The following UPP2 variants were observed in gnomAD, a reference collection of about 807,000 sequenced individuals.
UPP2 encodes the protein uridine phosphorylase 2.
UPP2 carries 23 observed loss-of-function variants against 26.7 expected under a neutral mutation model. The ratio of observed to expected loss-of-function variants is 0.86; its 90% CI spans 0.62 to 1.22. The LOEUF is 1.22. UPP2 is among the 50% of genes most tolerant of loss of function. The pLI, the probability that UPP2 is intolerant of heterozygous loss-of-function variation, is 0.00. For synonymous variants in UPP2, 127 were observed against 141.3 expected, an observed-to-expected ratio of 0.90 and a Z score of 0.72; for missense variants, 387 against 396.7, an observed-to-expected ratio of 0.98 and a Z score of 0.21.
chr2:158,102,988 A>G (rs1179884713), intron 1 of UPP2, among the ~76,000 whole-genome samples: 1 of 152,256 alleles, frequency 6.6e-6, no homozygotes. Flanking sequence ...GTAATTTGTC[A>G]CGATTTACTA....
chr2:158,018,115 C>A (rs1398098826), intron 3 of UPP2, among the ~76,000 whole-genome samples: 1 of 152,194 alleles, frequency 6.6e-6, no homozygotes, highest in African/African-American at 2.4e-5. Flanking sequence ...TAGATGATAT[C>A]ATAACCAATG....
At chr2:158,051,887 G>C (rs1448116289) in intron 3 of UPP2, among the ~76,000 whole-genome samples, 1 of 152,156 alleles carries the variant, frequency 6.6e-6, no homozygotes, top group Non-Finnish European at 1.5e-5. Flanking sequence ...GAGAGTAGGG[G>C]CTCTCATTCC....
At chr2:158,105,835 A>T (rs79299127) in intron 1 of UPP2, among the ~76,000 whole-genome samples, 1 of 152,332 alleles carries the variant, frequency 6.6e-6, no homozygotes, top group Non-Finnish European at 1.5e-5. Flanking sequence ...TTGTAAACTA[A>T]ATTATTAATC....
At chr2:158,017,948 C>CAT (rs571241695) in intron 3 of UPP2, among the ~76,000 whole-genome samples, 79 of 152,186 alleles carry the variant, frequency 5.2e-4, no homozygotes, top group African/African-American at 1.8e-3. Context: ...AAATATATGT[C>CAT]ATATATATAT....
chr2:158,102,924 C>T (rs543071761), intron 1 of UPP2, among the ~76,000 whole-genome samples: 52 of 152,316 alleles, frequency 3.4e-4, no homozygotes, highest in South Asian at 6.2e-4. Flanking sequence ...GGAAAGACTT[C>T]TGCTCAGCCA....
intron 3 of UPP2, among the ~76,000 whole-genome samples, chr2:158,017,044 A>G (rs1390695006): frequency 1.7e-4 from 26 of 152,204 alleles, no homozygotes; most frequent in Non-Finnish European, 2.9e-4. Flanking sequence ...AGCATATTCT[A>G]TGGATATAAT....
intron 3 of UPP2, among the ~76,000 whole-genome samples, chr2:158,115,989 G>A (rs548291712): frequency 4.6e-5 from 7 of 152,322 alleles, no homozygotes; most frequent in African/African-American, 1.7e-4. Flanking sequence ...CCAGGGGACA[G>A]GGGAAGAGTC....
intron 2 of UPP2, among the ~76,000 whole-genome samples, chr2:158,110,024 C>T (rs1683279527): frequency 6.6e-6 from 1 of 152,108 alleles, no homozygotes; most frequent in African/African-American, 2.4e-5. Context: ...TTTTATTATA[C>T]TTTAAGTTCT....
intron 6 of UPP2, among the ~76,000 whole-genome samples, chr2:158,133,215 C>T (rs1489070028): frequency 6.6e-6 from 1 of 152,150 alleles, no homozygotes; most frequent in Non-Finnish European, 1.5e-5. Context: ...CTCTCATTTG[C>T]AACAACATGG....
chr2:158,123,956 C>T, intron 6 of UPP2, 61 bp downstream of exon 6: 1 of 1,558,042 alleles, frequency 6.4e-7, no homozygotes, highest in Non-Finnish European at 8.7e-7. Flanking sequence ...ACTTTTACAC[C>T]TTAGGAGAAG....
intron 3 of UPP2, among the ~76,000 whole-genome samples, chr2:158,055,130 G>T (rs115508682): frequency 0.013 from 1,976 of 152,328 alleles, 46 homozygotes; most frequent in African/African-American, 0.045. Flanking sequence ...AGGCCGGAAA[G>T]TCCAACATTG....
chr2:158,010,133 G>C (rs1326326581), intron 2 of UPP2, among the ~76,000 whole-genome samples: 2 of 152,124 alleles, frequency 1.3e-5, no homozygotes, highest in African/African-American at 4.8e-5. Context: ...ATGTATTTTG[G>C]TTTTATGTTA....
At chr2:158,068,561 A>G (rs1682474485) in intron 3 of UPP2, among the ~76,000 whole-genome samples, 1 of 151,652 alleles carries the variant, frequency 6.6e-6, no homozygotes, top group Non-Finnish European at 1.5e-5. Context: ...AGACGGGGGC[A>G]GGGGCAGAAG....
At chr2:158,007,196 C>A (rs1045998441) in intron 2 of UPP2, among the ~76,000 whole-genome samples, 9 of 152,184 alleles carry the variant, frequency 5.9e-5, no homozygotes, top group African/African-American at 2.2e-4. Context: ...CATCTTATAA[C>A]CCTATAATAA....
chr2:158,085,040 T>C (rs1346606967), intron 3 of UPP2, among the ~76,000 whole-genome samples: 2 of 152,156 alleles, frequency 1.3e-5, no homozygotes, highest in African/African-American at 2.4e-5. Context: ...ATGATGGTGG[T>C]ATTTTGATGG....
intron 3 of UPP2, among the ~76,000 whole-genome samples, chr2:158,035,630 CCAAT>C (rs1053297988): frequency 6.6e-6 from 1 of 152,152 alleles, no homozygotes; most frequent in African/African-American, 2.4e-5. Context: ...CCTGAGCTGG[CCAAT>C]CAGAGTCTAC....
intron 3 of UPP2, among the ~76,000 whole-genome samples, chr2:158,054,662 A>T (rs1682219117): frequency 6.6e-6 from 1 of 152,172 alleles, no homozygotes; most frequent in Non-Finnish European, 1.5e-5. Context: ...CAGCTTTTTC[A>T]CTGCCTTTTC....
intron 6 of UPP2, among the ~76,000 whole-genome samples, chr2:158,127,284 G>T (rs1683713747): frequency 6.6e-6 from 1 of 152,098 alleles, no homozygotes; most frequent in East Asian, 1.9e-4. Context: ...TTTCCAGTCT[G>T]TTTATATGTT....
intron 1 of UPP2, among the ~76,000 whole-genome samples, chr2:158,103,829 C>G (rs550902053): frequency 6.6e-6 from 1 of 152,300 alleles, no homozygotes; most frequent in African/African-American, 2.4e-5. Flanking sequence ...ACTGACCACA[C>G]ACTGTATAAC....
Sources: gnomAD v4.1 joint callset for allele counts (sites outside exome capture counted in the v4.1 genomes callset) on GRCh38, gnomAD v4.1.1 for gene constraint, MANE v1.5 for transcripts, NCBI Gene and HGNC (gene_info 2026-07-23, HGNC 2026-07-21) for gene names.